SPEN: variants seen among roughly 807,000 people sequenced by gnomAD.
The protein encoded by SPEN is spen family transcriptional repressor, also known as msx2-interacting protein.
SPEN carries 18 observed loss-of-function variants against 269.9 expected under a neutral mutation model. The observed-to-expected ratio is 0.07, with a 90% CI of 0.05 to 0.10. The LOEUF is 0.10. SPEN is among the 10% of genes least tolerant of loss of function. The pLI is 1.00. For synonymous variants in SPEN, 1,726 were observed against 1,765.7 expected (o/e 0.98, Z 0.56); for missense variants, 3,822 against 4,631.2 (o/e 0.83, Z 5.07).
chr1:15,925,145 C>T (rs2071154213), intron 10 of SPEN, among the ~76,000 whole-genome samples: 1 of 152,142 alleles, frequency 6.6e-6, no homozygotes, highest in Non-Finnish European at 1.5e-5. Flanking sequence ...TCAGGTAACC[C>T]TTTTTATGGA....
intron 10 of SPEN, among the ~76,000 whole-genome samples, chr1:15,924,866 G>C (rs892060383): frequency 6.6e-6 from 1 of 152,206 alleles, no homozygotes; most frequent in Non-Finnish European, 1.5e-5. Context: ...TCCTCATGAG[G>C]ACGCAGGAGG....
intron 2 of SPEN, chr1:15,874,448 C>G: frequency 7.9e-7 from 1 of 1,269,226 alleles, no homozygotes; most frequent in East Asian, 4.7e-5. Context: ...CCAAGTCAAA[C>G]TCTCTTTTTT....
At position 15,896,187 on chromosome 1, in the gene SPEN, C is replaced by CTTT. The variant is rs34846762; in HGVS notation, c.882-13108_882-13106dup. Among the ~76,000 whole-genome samples, 23 of 69,220 alleles carry CTTT rather than the reference C, an allele frequency of 3.3e-4. 1 individual carries two copies. The highest frequency in any genetic ancestry group is 5.3e-4 in the Non-Finnish European group (21 of 39,666). 45.4% of individuals were successfully genotyped at this position (69,220 alleles called of 152,430 possible). On this transcript the variant is annotated intron_variant, in intron 3 of 14. Transcript: ENST00000375759. Reference sequence around the variant, plus strand: ...ATTATTGTGTTTGATTTTACCATCACTTTTTTTTTTTTTTTTTTTTTTTTT... The same window carrying CTTT: ...ATTATTGTGTTTGATTTTACCATCACTTTTTTTTTTTTTTTTTTTTTTTTTTTT...
At position 15,935,397 on chromosome 1, in the gene SPEN, A is replaced by G; in HGVS notation, c.9157A>G (p.Asn3053Asp). The change falls in exon 11 of 15, where the codon AAC becomes GAC. Residue 3053 changes from asparagine (N) to aspartate (D), a missense_variant. Asn to Asp is a conservative substitution (Grantham distance 23). Coordinates refer to ENST00000375759, the MANE Select transcript of SPEN (RefSeq NM_015001.3). This position sits in a 1 kb window ranked among gnomAD's most constrained non-coding sequence, Gnocchi z 7.7. The part of the protein sequence containing the change: ...SSTASTALST[N>D]ATVMLAAGIP... ...TACTGCATCTACGGCGCTCTCCACC[A>G]ACGCCACAGTCATGCTGGCTGCAGG... 1 of 1,614,074 alleles carries G rather than the reference A, an allele frequency of 6.2e-7. No homozygotes were observed. The highest frequency in any genetic ancestry group is 1.3e-5 in the African/African-American group (1 of 75,006).
chr1:15,929,778 C>G lies in SPEN; in HGVS notation c.3538C>G (p.Gln1180Glu). Residue 1180 changes from glutamine (Q) to glutamate (E), a missense_variant, in exon 11 of 15, where the codon CAG becomes GAG. By Grantham distance (29) the Gln-to-Glu change is conservative. Transcript: ENST00000375759. The surrounding 1 kb of genome is among the most constrained non-coding windows in gnomAD (Gnocchi z 5.8). ...ACAAATGGAACAGAGTCGTAGGAAA[C>G]AGCAGATGGAAATGGAAATAGCCAA... is the stretch of plus-strand genomic sequence containing the variant. ...RKQMEQSRRK[Q>E]QMEMEIAKSE... The G allele has an allele frequency of 6.2e-7, 1 of 1,614,106 alleles. No individual in the cohort carries two copies. The highest frequency in any genetic ancestry group is 8.5e-7 in the Non-Finnish European group (1 of 1,180,040).
chr1:15,891,472 C>T (rs2070788055), intron 3 of SPEN, among the ~76,000 whole-genome samples: 1 of 151,892 alleles, frequency 6.6e-6, no homozygotes, highest in South Asian at 2.1e-4. Context: ...CTGCCTCAGC[C>T]TCCCGAGTAG....
At chr1:15,924,020 T>G (rs2071143619) in intron 10 of SPEN, among the ~76,000 whole-genome samples, 2 of 152,270 alleles carry the variant, frequency 1.3e-5, no homozygotes, top group South Asian at 4.1e-4. Context: ...TCTCAAAAGC[T>G]CAAACTTGTC....
rs766201418 is a variant in SPEN at position 15,909,344 on chromosome 1, G to A, written c.905G>A (p.Ser302Asn). The change falls in exon 4 of 15, where the codon AGT becomes AAT. Residue 302 changes from serine to asparagine, a missense_variant. This residue lies in a region of SPEN where 327 missense variants were observed against 350.8 expected (regional missense o/e 0.93). Transcript: ENST00000375759. ...SDSSDSSSSS[S>N]DDSPARSVQS... Reference sequence around the variant, plus strand: ...AGCAGTGATTCCAGCAGTAGTTCAAGTGATGATTCTCCAGCTCGATCAGTT... The same window carrying A: ...AGCAGTGATTCCAGCAGTAGTTCAAATGATGATTCTCCAGCTCGATCAGTT... The A allele has an allele frequency of 1.2e-6, 2 of 1,612,460 alleles. No homozygotes were observed. The highest frequency in any genetic ancestry group is 4.5e-5 in the East Asian group (2 of 44,862).
intron 1 of SPEN, among the ~76,000 whole-genome samples, chr1:15,865,250 C>T (rs1174467501): frequency 2.6e-5 from 4 of 151,386 alleles, no homozygotes; most frequent in East Asian, 2.0e-4. Flanking sequence ...GGGATTTCAC[C>T]GTCTTGCTCC....
Position 15,931,907 on chromosome 1 carries a change from T to A in SPEN, c.5667T>A (p.His1889Gln). 7 of 1,614,168 alleles carry A rather than the reference T, an allele frequency of 4.3e-6. No individual in the cohort carries two copies. The highest frequency in any genetic ancestry group is 5.1e-6 in the Non-Finnish European group (6 of 1,180,032). Residue 1889 changes from histidine (H) to glutamine (Q), a missense_variant, in exon 11 of 15, where the codon CAT (histidine) becomes CAA (glutamine). By Grantham distance (24) the His-to-Gln change is conservative. Transcript: ENST00000375759. This position sits in a 1 kb window ranked among gnomAD's most constrained non-coding sequence, Gnocchi z 4.8. ...AAAACTCTGCTGCAGACCTTGAACATCCCGAACCAAGTTTGCCTCTCAGCC... is the reference window on the plus strand; with the variant it reads ...AAAACTCTGCTGCAGACCTTGAACAACCCGAACCAAGTTTGCCTCTCAGCC... ...ASKNSAADLE[H>Q]PEPSLPLSRT...
intron 1 of SPEN, among the ~76,000 whole-genome samples, chr1:15,857,826 A>G (rs1457423987): frequency 6.6e-6 from 1 of 151,942 alleles, no homozygotes; most frequent in Non-Finnish European, 1.5e-5. Context: ...ATGTCCAGCT[A>G]ATTAAAAAAA....
chr1:15,857,084 A>G (rs1340225181), intron 1 of SPEN, among the ~76,000 whole-genome samples: 3 of 150,626 alleles, frequency 2.0e-5, no homozygotes, highest in Non-Finnish European at 3.0e-5. Context: ...TTTTCTTGAG[A>G]CAGGATCTCA....
rs34195453 is a variant in SPEN at position 15,859,905 on chromosome 1, C to CTTTTTTTTTTTTTTTT, written c.83+11764_83+11779dup. Among the ~76,000 whole-genome samples the CTTTTTTTTTTTTTTTT allele has an allele frequency of 1.8e-4, 14 of 79,632 alleles. 4 individuals are homozygous for CTTTTTTTTTTTTTTTT. Among genetic ancestry groups the CTTTTTTTTTTTTTTTT allele is most frequent in the African/African-American group, 2.1e-4 (4 of 18,772 alleles). The allele number at this position is 79,632 out of a possible 152,430, so 52.2% of individuals were successfully genotyped here. A position where few individuals can be genotyped will look rare whatever the true frequency, so the allele number is the denominator to read the frequency against. ...AGTATAAAGAATGATCAGTTAACAT[C>CTTTTTTTTTTTTTTTT]TTTTTTTTTTTTTTTTTTTTTTTTG... is the stretch of plus-strand genomic sequence containing the variant. On this transcript the variant is annotated intron_variant, in intron 1 of 14. Transcript: ENST00000375759.
At chr1:15,910,056 G>A (rs1352428674) in intron 4 of SPEN, among the ~76,000 whole-genome samples, 3 of 150,068 alleles carry the variant, frequency 2.0e-5, no homozygotes, top group South Asian at 4.2e-4. Flanking sequence ...CCCAGGAGGC[G>A]GAGTTTGCAG....
At chr1:15,849,649 C>T (rs953529178) in intron 1 of SPEN, among the ~76,000 whole-genome samples, 1 of 152,130 alleles carries the variant, frequency 6.6e-6, no homozygotes, top group African/African-American at 2.4e-5. Context: ...AAAAATTCAC[C>T]TCTGTGCCCT....
At chr1:15,866,340 T>A (rs1569980086) in intron 1 of SPEN, among the ~76,000 whole-genome samples, 1 of 152,202 alleles carries the variant, frequency 6.6e-6, no homozygotes, top group East Asian at 1.9e-4. Flanking sequence ...AGGAATACAT[T>A]AGTTTTTTTG....
Position 15,928,001 on chromosome 1 carries a change from A to T in SPEN, c.1851-90A>T. The T allele has an allele frequency of 8.2e-7, 1 of 1,216,964 alleles. No homozygotes were observed. Among genetic ancestry groups the T allele is most frequent in the Non-Finnish European group, 1.1e-6 (1 of 876,780 alleles). The allele number at this position is 1,216,964 out of a possible 1,614,324, so 75.4% of individuals were successfully genotyped here. ...ATTAAATAATGTCAAAAGATTTTTT[A>T]GAAGCAGGAATTTCTGATTTCATAT... On this transcript the variant is annotated intron_variant, in intron 10 of 14. Coordinates refer to ENST00000375759, the MANE Select transcript of SPEN (RefSeq NM_015001.3). This position sits in a 1 kb window ranked among gnomAD's most constrained non-coding sequence, Gnocchi z 5.7.
At chr1:15,855,012 T>C (rs2070371254) in intron 1 of SPEN, among the ~76,000 whole-genome samples, 1 of 152,224 alleles carries the variant, frequency 6.6e-6, no homozygotes, top group Admixed American at 6.5e-5. Context: ...TGGATTTAAT[T>C]ACTTATGATT....
intron 4 of SPEN, 85 bp downstream of exon 4, chr1:15,909,566 G>A: frequency 7.5e-6 from 10 of 1,341,450 alleles, no homozygotes; most frequent in South Asian, 1.5e-5. Flanking sequence ...ATAACTTTGG[G>A]CATAAAATTA....
Sources: allele counts gnomAD v4.1 joint callset (sites outside exome capture counted in the v4.1 genomes callset), GRCh38; gene constraint gnomAD v4.1.1; regional missense constraint gnomAD v4.1.1; non-coding constraint Gnocchi (gnomAD v3.1); transcripts MANE v1.5; gene names NCBI Gene and HGNC (gene_info 2026-07-23, HGNC 2026-07-21).